The following BCAM variants were observed in gnomAD, a reference collection of about 807,000 sequenced individuals.
BCAM encodes the protein basal cell adhesion molecule (Lutheran blood group), also known as basal cell adhesion molecule.
In BCAM, 61 loss-of-function variants were observed where a neutral mutation model predicts 72.4. That is an observed-to-expected ratio of 0.84 (90% CI 0.69 to 1.04). BCAM has a LOEUF of 1.04. Ranked by LOEUF, BCAM falls within the 50% of genes least tolerant of loss-of-function variation. BCAM has a pLI of 0.00. For missense variants in BCAM, 909 were observed against 895.0 expected (o/e 1.02, Z -0.20); for synonymous variants, 408 against 384.2 (o/e 1.06, Z -0.73).
chr19:44,818,848 C>T lies in BCAM; in HGVS notation c.1302C>T (p.Leu434=). The change falls in exon 10 of 15, where the codon CTC becomes CTT. Residue 434 remains leucine, a synonymous_variant. Coordinates refer to ENST00000270233, the MANE Select transcript of BCAM (RefSeq NM_005581.5). This position sits in a 1 kb window ranked among gnomAD's most constrained non-coding sequence, Gnocchi z 4.6. The stretch of plus-strand genomic sequence containing the variant: ...CCTCCCTGCCCACAGTCCCGGTCCT[C>T]AGCCGCACCCAGAACTTCACGCTGC... ...CEASLPTVPV[L]SRTQNFTLLV... The T allele has an allele frequency of 6.2e-7, 1 of 1,614,132 alleles. No individual in the cohort carries two copies. The highest frequency in any genetic ancestry group is 8.5e-7 in the Non-Finnish European group (1 of 1,180,010).
chr19:44,817,081 C>A (rs1968512047), intron 8 of BCAM, among the ~76,000 whole-genome samples: 1 of 151,378 alleles, frequency 6.6e-6, no homozygotes, highest in South Asian at 2.1e-4. Context: ...ACTAAAAATA[C>A]AAAAAATTAG....
Position 44,814,380 on chromosome 19 carries a change from G to T in BCAM, c.921+92G>T, listed in dbSNP as rs2122557046. 1 of 1,501,482 alleles carries T rather than the reference G, an allele frequency of 6.7e-7. No homozygotes were observed. Among genetic ancestry groups the T allele is most frequent in the East Asian group, 2.3e-5 (1 of 43,384 alleles). 93.0% of individuals were successfully genotyped at this position (1,501,482 alleles called of 1,614,324 possible). On this transcript the variant is annotated intron_variant, in intron 7 of 14. Coordinates refer to ENST00000270233, the MANE Select transcript of BCAM (RefSeq NM_005581.5). The surrounding 1 kb of genome is among the most constrained non-coding windows in gnomAD (Gnocchi z 4.6). ...GCATAACTTCTAATGTGGGACCTGGGAGTCCCCATGGCTTAGGCAGCCACC... is the reference window on the plus strand; with the variant it reads ...GCATAACTTCTAATGTGGGACCTGGTAGTCCCCATGGCTTAGGCAGCCACC...
At chr19:44,819,901 A>G in intron 13 of BCAM, 175 bp downstream of exon 13, 1 of 1,391,938 alleles carries the variant, frequency 7.2e-7, no homozygotes, top group South Asian at 1.6e-5. Context: ...CCAGCCCCAG[A>G]CTAATCCACA....
chr19:44,813,590 G>T lies in BCAM; in HGVS notation c.754G>T (p.Asp252Tyr). ...SLPEGRHGRL[D>Y]SPTFHLTLHY... ...GCCCGAGGGCCGCCACGGCCGCCTG[G>T]ACAGCCCCACCTTCCACCTCACCCT... Residue 252 changes from aspartate to tyrosine, a missense_variant, in exon 6 of 15, where the codon GAC becomes TAC. Physicochemically the swap from Asp to Tyr is radical, Grantham distance 160. Transcript: ENST00000270233. The surrounding 1 kb of genome is among the most constrained non-coding windows in gnomAD (Gnocchi z 4.2). 1 of 1,612,572 alleles carries T rather than the reference G, an allele frequency of 6.2e-7. No individual in the cohort carries two copies.
Position 44,812,655 on chromosome 19 carries a change from G to A in BCAM, c.504+107G>A, listed in dbSNP as rs1968441318. 2.9e-6 allele frequency: 4 copies of A among 1,356,636 alleles called. No individual in the cohort carries two copies. Among genetic ancestry groups the A allele is most frequent in the Non-Finnish European group, 4.0e-6 (4 of 989,176 alleles). 84.0% of individuals were successfully genotyped at this position (1,356,636 alleles called of 1,614,324 possible). A position where few individuals can be genotyped will look rare whatever the true frequency, so the allele number is the denominator to read the frequency against. On this transcript the variant is annotated intron_variant, in intron 4 of 14. Transcript: ENST00000270233. The surrounding 1 kb of genome is among the most constrained non-coding windows in gnomAD (Gnocchi z 5.3). Reference sequence around the variant, plus strand: ...GGGCTGGGGACCCCTGGGTAATAAAGGAGGAGGGGTAAGGCCAGGCGAGGT... The same window carrying A: ...GGGCTGGGGACCCCTGGGTAATAAAAGAGGAGGGGTAAGGCCAGGCGAGGT...
In BCAM at chr19:44,820,750, A is replaced by G. The variant is rs1599891040; in HGVS notation, c.1809A>G (p.Pro603=). Residue 603 remains proline (P), a synonymous_variant, in exon 14 of 15, where the codon CCA becomes CCG. Coordinates refer to ENST00000270233, the MANE Select transcript of BCAM (RefSeq NM_005581.5). Reference sequence around the variant, plus strand: ...TGAGCCACTCGGGGTCGGAGCAACCAGAGCAGACCGGCCTTCTCATGGGAG... The same window carrying G: ...TGAGCCACTCGGGGTCGGAGCAACCGGAGCAGACCGGCCTTCTCATGGGAG... ...PGLSHSGSEQ[P]EQTGLLMGGA... 6.7e-7 allele frequency: 1 copy of G among 1,485,488 alleles called. No homozygotes were observed. The highest frequency in any genetic ancestry group is 1.3e-5 in the South Asian group (1 of 74,156). 92.0% of individuals were successfully genotyped at this position (1,485,488 alleles called of 1,614,324 possible).
At position 44,814,587 on chromosome 19, in the gene BCAM, C is replaced by T. The variant is rs564866713; in HGVS notation, c.922-17C>T. The T allele has an allele frequency of 5.0e-6, 8 of 1,608,304 alleles. No homozygotes were observed. Among genetic ancestry groups the T allele is most frequent in the East Asian group, 2.2e-5 (1 of 44,758 alleles). Reference sequence around the variant, plus strand: ...GGGGTGGCTTCTGAGCCTGGTTCCTCGTCCCCCGTCTCCCAGGATGAGCAG... The same window carrying T: ...GGGGTGGCTTCTGAGCCTGGTTCCTTGTCCCCCGTCTCCCAGGATGAGCAG... On this transcript the variant is annotated splice_polypyrimidine_tract_variant and intron_variant, in intron 7 of 14. Coordinates refer to ENST00000270233, the MANE Select transcript of BCAM (RefSeq NM_005581.5). The surrounding 1 kb of genome is among the most constrained non-coding windows in gnomAD (Gnocchi z 4.6).
In BCAM at chr19:44,820,960, T is replaced by TGCAG. The variant is rs1968581894; in HGVS notation, c.*43_*46dup. 2 of 1,537,938 alleles carry TGCAG rather than the reference T, an allele frequency of 1.3e-6. No individual in the cohort carries two copies. Among genetic ancestry groups the TGCAG allele is most frequent in the Admixed American group, 4.1e-5 (2 of 49,232 alleles). On this transcript the variant is annotated 3_prime_UTR_variant, in exon 15 of 15. Coordinates refer to ENST00000270233, the MANE Select transcript of BCAM (RefSeq NM_005581.5). ...TAGAGGCTGTCCCTGGACCTGGAGC[T>TGCAG]GCAGGCATCAGAGAACCAGCCCTGC...
Position 44,812,710 on chromosome 19 carries a change from G to T in BCAM, c.504+162G>T, listed in dbSNP as rs1462106330. ...CATGCCTGTAATCCCAGCATTTTGGGAGGCAGAGGCAGGCGGATCACCTGA... is the reference window on the plus strand; with the variant it reads ...CATGCCTGTAATCCCAGCATTTTGGTAGGCAGAGGCAGGCGGATCACCTGA... On this transcript the variant is annotated intron_variant, in intron 4 of 14. Coordinates refer to ENST00000270233, the MANE Select transcript of BCAM (RefSeq NM_005581.5). This position sits in a 1 kb window ranked among gnomAD's most constrained non-coding sequence, Gnocchi z 5.3. 1 of 761,870 alleles carries T rather than the reference G, an allele frequency of 1.3e-6. No individual in the cohort carries two copies. The highest frequency in any genetic ancestry group is 2.1e-6 in the Non-Finnish European group (1 of 481,912). 47.2% of individuals were successfully genotyped at this position (761,870 alleles called of 1,614,324 possible).
intron 2 of BCAM, 163 bp from the exon 3 acceptor site, chr19:44,812,000 G>A (rs1397015671): frequency 5.8e-6 from 4 of 684,526 alleles, no homozygotes; most frequent in Non-Finnish European, 9.9e-6. Flanking sequence ...GAACTGATAG[G>A]GAATGGGGGC....
rs748026667 is a variant in BCAM, at chr19:44,819,668, T to C, written c.1705T>C (p.Tyr569His). 5 of 1,613,372 alleles carry C rather than the reference T, an allele frequency of 3.1e-6. No homozygotes were observed. The highest frequency in any genetic ancestry group is 4.2e-6 in the Non-Finnish European group (5 of 1,179,664). The change falls in exon 13 of 15, where the codon TAC becomes CAC. Residue 569 changes from tyrosine (Y) to histidine (H), a missense_variant. Tyr to His is a moderately conservative substitution (Grantham distance 83). Transcript: ENST00000270233. ...GLLLLVVAVF[Y>H]CVRRKGGPCC... Reference sequence around the variant, plus strand: ...CCTGCTCCTCGTCGTTGCTGTCTTCTACTGCGTGAGACGCAAAGGGGGCCC... The same window carrying C: ...CCTGCTCCTCGTCGTTGCTGTCTTCCACTGCGTGAGACGCAAAGGGGGCCC...
intron 1 of BCAM, among the ~76,000 whole-genome samples, chr19:44,809,447 C>G (rs1189183124): frequency 4.6e-5 from 7 of 152,076 alleles, no homozygotes; most frequent in Non-Finnish European, 4.4e-5. Flanking sequence ...AGCCCCCTTC[C>G]CACTCAGCAC....
At position 44,819,579 on chromosome 19, in the gene BCAM, C is replaced by T; in HGVS notation, c.1619-3C>T. The T allele has an allele frequency of 1.2e-6, 2 of 1,612,920 alleles. No homozygotes were observed. The highest frequency in any genetic ancestry group is 2.2e-5 in the East Asian group (1 of 44,852). On this transcript the variant is annotated splice_polypyrimidine_tract_variant and splice_region_variant and intron_variant, in intron 12 of 14. Transcript: ENST00000270233. ...CACGCCTCTCTCCATCCTGTCCCTG[C>T]AGTGAGCCCCCAGACCTCCCAGGCT...
At chr19:44,820,547 G>C in intron 13 of BCAM, 158 bp from the exon 14 acceptor site, 1 of 1,278,556 alleles carries the variant, frequency 7.8e-7, no homozygotes, top group Non-Finnish European at 9.9e-7. Flanking sequence ...GCCATTACCA[G>C]CCCCTACCCC....
In BCAM at chr19:44,818,826, C is replaced by T. The variant is rs760062678; in HGVS notation, c.1280C>T (p.Ser427Phe). The change falls in exon 10 of 15, where the codon TCC becomes TTC. Residue 427 changes from serine (S) to phenylalanine (F), a missense_variant. Transcript: ENST00000270233. The surrounding 1 kb of genome is among the most constrained non-coding windows in gnomAD (Gnocchi z 4.6). The part of the protein sequence containing the change: ...DSNGTYVCEA[S>F]LPTVPVLSRT... ...AATGGCACCTACGTATGTGAGGCCT[C>T]CCTGCCCACAGTCCCGGTCCTCAGC... 9.9e-6 allele frequency: 16 copies of T among 1,614,134 alleles called. No individual in the cohort carries two copies. The highest frequency in any genetic ancestry group is 1.4e-5 in the Non-Finnish European group (16 of 1,180,006).
In BCAM at chr19:44,813,689, G is replaced by A. The variant is rs554037196; in HGVS notation, c.784+69G>A. 1.4e-5 allele frequency: 21 copies of A among 1,540,050 alleles called. No individual in the cohort carries two copies. Among genetic ancestry groups the A allele is most frequent in the Admixed American group, 3.7e-5 (2 of 53,962 alleles). ...CCTCATGAGGCCTGACCCTCCACCC[G>A]GGGGCTTCACACTCCCCTCTGACCC... On this transcript the variant is annotated intron_variant, in intron 6 of 14. Transcript: ENST00000270233. The surrounding 1 kb of genome is among the most constrained non-coding windows in gnomAD (Gnocchi z 4.2).
Position 44,820,989 on chromosome 19 carries a change from C to G in BCAM, c.*68C>G. 1 of 1,467,268 alleles carries G rather than the reference C, an allele frequency of 6.8e-7. No individual in the cohort carries two copies. The highest frequency in any genetic ancestry group is 1.4e-5 in the African/African-American group (1 of 69,710). The allele number at this position is 1,467,268 out of a possible 1,614,324, so 90.9% of individuals were successfully genotyped here. A position where few individuals can be genotyped will look rare whatever the true frequency, so the allele number is the denominator to read the frequency against. ...GGCATCAGAGAACCAGCCCTGCTCA[C>G]GCCATGCCCGCCCCCGCCTTCCCTC... On this transcript the variant is annotated 3_prime_UTR_variant, in exon 15 of 15. Transcript: ENST00000270233.
At position 44,820,307 on chromosome 19, in the gene BCAM, A is replaced by G. The variant is rs181652051; in HGVS notation, c.1764-398A>G. On this transcript the variant is annotated intron_variant, in intron 13 of 14. Transcript: ENST00000270233. ...CTAGTCCTCCACCGTCCCGAAGCCA[A>G]CTTCACCCATGTCCCCATCCCCAAT... 25 of 1,030,158 alleles carry G rather than the reference A, an allele frequency of 2.4e-5. No individual in the cohort carries two copies. In the East Asian group the frequency reaches 3.3e-4, roughly 14 times the overall value. The allele number at this position is 1,030,158 out of a possible 1,614,324, so 63.8% of individuals were successfully genotyped here.
In BCAM at chr19:44,819,741, A is replaced by C; in HGVS notation, c.1763+15A>C. 1 of 1,586,626 alleles carries C rather than the reference A, an allele frequency of 6.3e-7. No individual in the cohort carries two copies. The highest frequency in any genetic ancestry group is 8.6e-7 in the Non-Finnish European group (1 of 1,169,192). ...AAGGGGGCTCCGTGAGTGGCCTGCT[A>C]TCTGCAATGACCACCATAGCTTAAC... On this transcript the variant is annotated intron_variant, in intron 13 of 14. Transcript: ENST00000270233.
Sources: gnomAD v4.1 joint callset for allele counts (sites outside exome capture counted in the v4.1 genomes callset) on GRCh38, gnomAD v4.1.1 for gene constraint, Gnocchi (gnomAD v3.1) non-coding constraint, MANE v1.5 for transcripts, NCBI Gene and HGNC (gene_info 2026-07-23, HGNC 2026-07-21) for gene names.